MDFIC2: variants seen among roughly 807,000 people sequenced by gnomAD.
MDFIC2 encodes the protein myoD family inhibitor domain-containing protein 2.
intron 2 of MDFIC2, among the ~76,000 whole-genome samples, chr3:70,309,936 A>G (rs1282782256): frequency 6.6e-6 from 1 of 152,184 alleles, no homozygotes; most frequent in Non-Finnish European, 1.5e-5. Context: ...TTAGGAAACA[A>G]TTGATTGGCC....
At chr3:70,224,345 C>T (rs1303321254) in intron 2 of MDFIC2, among the ~76,000 whole-genome samples, 1 of 152,196 alleles carries the variant, frequency 6.6e-6, no homozygotes. Flanking sequence ...CATGCTGCAG[C>T]GGATGGTGCA....
chr3:70,267,950 C>T (rs1236305787), intron 2 of MDFIC2, among the ~76,000 whole-genome samples: 1 of 151,554 alleles, frequency 6.6e-6, no homozygotes, highest in Admixed American at 6.6e-5. Flanking sequence ...CCCTTCCTTT[C>T]CCCTTCTCCT....
intron 2 of MDFIC2, among the ~76,000 whole-genome samples, chr3:70,254,101 G>A (rs1210952557): frequency 6.6e-6 from 1 of 151,302 alleles, no homozygotes; most frequent in Non-Finnish European, 1.5e-5. Flanking sequence ...TCTTTTCAGA[G>A]CATTAAAATT....
intron 3 of MDFIC2, among the ~76,000 whole-genome samples, chr3:70,201,401 T>C (rs1701238049): frequency 6.6e-6 from 1 of 151,756 alleles, no homozygotes; most frequent in African/African-American, 2.4e-5. Context: ...AGCTGTGTAG[T>C]TCTCCATGGT....
At chr3:70,282,550 G>C (rs1702098036) in intron 2 of MDFIC2, among the ~76,000 whole-genome samples, 1 of 152,134 alleles carries the variant, frequency 6.6e-6, no homozygotes, top group Admixed American at 6.5e-5. Context: ...TGTTGGCTTT[G>C]AACATTCCAA....
intron 2 of MDFIC2, among the ~76,000 whole-genome samples, chr3:70,288,925 C>T (rs1451375988): frequency 1.3e-5 from 2 of 151,822 alleles, no homozygotes; most frequent in Non-Finnish European, 2.9e-5. Flanking sequence ...GATCTTCCTC[C>T]ATCCTTTTAT....
intron 2 of MDFIC2, among the ~76,000 whole-genome samples, chr3:70,233,724 C>T (rs1454832986): frequency 2.6e-5 from 4 of 152,180 alleles, no homozygotes; most frequent in Admixed American, 1.3e-4. Flanking sequence ...TCTAAAATTT[C>T]ATGTAAACTG....
chr3:70,241,949 A>G (rs1701670100), intron 2 of MDFIC2, among the ~76,000 whole-genome samples: 1 of 152,194 alleles, frequency 6.6e-6, no homozygotes, highest in Admixed American at 6.5e-5. Context: ...GTATAATAAC[A>G]TTTGTTTAGG....
At chr3:70,295,052 G>C (rs902851601) in intron 2 of MDFIC2, among the ~76,000 whole-genome samples, 1 of 152,150 alleles carries the variant, frequency 6.6e-6, no homozygotes, top group Non-Finnish European at 1.5e-5. Context: ...AATAATCAAT[G>C]ATCTGTTGCC....
chr3:70,237,977 A>ATGTTTTTTTTTTT (rs1251005797), intron 2 of MDFIC2, among the ~76,000 whole-genome samples: 1 of 13,008 alleles, frequency 7.7e-5, no homozygotes, highest in African/African-American at 4.9e-4. Context: ...ATTGAGTGGT[A>ATGTTTTTTTTTTT]TCTTTTTTTT....
intron 3 of MDFIC2, among the ~76,000 whole-genome samples, chr3:70,200,977 G>C (rs1701231950): frequency 7.0e-6 from 1 of 142,026 alleles, no homozygotes; most frequent in Non-Finnish European, 1.5e-5. Flanking sequence ...GTGGGGGTGG[G>C]TGTTCATTTC....
At chr3:70,209,927 A>T (rs1451313098) in intron 2 of MDFIC2, among the ~76,000 whole-genome samples, 1 of 152,054 alleles carries the variant, frequency 6.6e-6, no homozygotes, top group African/African-American at 2.4e-5. Context: ...TATCCCATAC[A>T]TTAGAGAGTA....
At chr3:70,283,179 T>C (rs550912296) in intron 2 of MDFIC2, among the ~76,000 whole-genome samples, 6 of 152,250 alleles carry the variant, frequency 3.9e-5, no homozygotes, top group Admixed American at 3.9e-4. Flanking sequence ...AGCAGTCCTG[T>C]GGCAGGAGAT....
chr3:70,290,878 T>C (rs1433138504), intron 2 of MDFIC2, among the ~76,000 whole-genome samples: 1 of 152,200 alleles, frequency 6.6e-6, no homozygotes, highest in Non-Finnish European at 1.5e-5. Flanking sequence ...GCTGACCCCT[T>C]GCGCTTCCCG....
intron 2 of MDFIC2, among the ~76,000 whole-genome samples, chr3:70,240,274 A>G (rs566896995): frequency 6.6e-6 from 1 of 152,042 alleles, no homozygotes; most frequent in Non-Finnish European, 1.5e-5. Flanking sequence ...CTTTTCCTAT[A>G]TTATCTCATC....
chr3:70,255,720 A>G (rs1701809482), intron 2 of MDFIC2, among the ~76,000 whole-genome samples: 1 of 152,126 alleles, frequency 6.6e-6, no homozygotes, highest in African/African-American at 2.4e-5. Flanking sequence ...TGGCCTCTCA[A>G]GGGGAGGATT....
At position 70,221,986 on chromosome 3, in the gene MDFIC2, T is replaced by G. The variant is rs529300225; in HGVS notation, c.89-15196A>C. ...TTTTAAGCACCTTGATCAATTAGGT[T>G]GTCATAGAAAAATGTCAAGTGTTCC... On this transcript the variant is annotated intron_variant, in intron 2 of 3. Coordinates refer to ENST00000567252, the MANE Select transcript of MDFIC2 (RefSeq NM_001364677.1). Among the ~76,000 whole-genome samples the G allele has an allele frequency of 4.2e-4, 64 of 152,244 alleles. 1 individual carries two copies. Among genetic ancestry groups the G allele is most frequent in the African/African-American group, 1.4e-3 (60 of 41,550 alleles).
intron 2 of MDFIC2, among the ~76,000 whole-genome samples, chr3:70,280,482 C>T (rs1180825127): frequency 6.6e-6 from 1 of 152,152 alleles, no homozygotes; most frequent in African/African-American, 2.4e-5. Flanking sequence ...ATACTTTCAC[C>T]CTTGCCTCAA....
chr3:70,245,971 A>G (rs1701704295), intron 2 of MDFIC2, among the ~76,000 whole-genome samples: 1 of 151,382 alleles, frequency 6.6e-6, no homozygotes, highest in Non-Finnish European at 1.5e-5. Context: ...TTGATATGGT[A>G]GGGAACTGAA....
Sources: allele counts gnomAD v4.1 joint callset (sites outside exome capture counted in the v4.1 genomes callset), GRCh38; gene constraint gnomAD v4.1.1; transcripts MANE v1.5; gene names NCBI Gene and HGNC (gene_info 2026-07-23, HGNC 2026-07-21).